PDE6A: variants seen among roughly 807,000 people sequenced by gnomAD.
PDE6A encodes phosphodiesterase 6A.
In PDE6A, 84 loss-of-function variants were observed where a neutral mutation model predicts 106.3. The observed-to-expected ratio is 0.79, with a 90% CI of 0.66 to 0.95. PDE6A has a LOEUF of 0.95. Among genes scored for constraint, PDE6A ranks in the 40% least tolerant of loss-of-function variants. The probability of loss-of-function intolerance (pLI) is 0.00; values close to 1 mark genes in which losing one functional copy is unlikely to be tolerated. For synonymous variants in PDE6A, 394 were observed against 386.6 expected (o/e 1.02, Z -0.23); for missense variants, 1,052 against 1,084.9 (o/e 0.97, Z 0.43).
At chr5:149,896,539 GA>G (rs1297846066) in intron 11 of PDE6A, 37 bp from the exon 12 acceptor site, 1 of 1,614,052 alleles carries the variant, frequency 6.2e-7, no homozygotes, top group Non-Finnish European at 8.5e-7. Flanking sequence ...TAGGAAACAT[GA>G]AGTGTTTCTG....
intron 5 of PDE6A, among the ~76,000 whole-genome samples, chr5:149,920,942 A>AAAAGAAAGAAGAAAGAAAG (rs1554091215): frequency 3.7e-5 from 4 of 108,282 alleles, no homozygotes; most frequent in Non-Finnish European, 5.3e-5. Flanking sequence ...GAAAGAGAGA[A>AAAAGAAAGAAGAAAGAAAG]AAAGAAAGAA....
chr5:149,885,743 AT>A (rs1257501519), intron 14 of PDE6A, among the ~76,000 whole-genome samples: 6 of 152,204 alleles, frequency 3.9e-5, no homozygotes, highest in Non-Finnish European at 8.8e-5. Context: ...AAGCAATAAA[AT>A]TTATTATTTT....
chr5:149,942,158 T>G (rs943549613), intron 1 of PDE6A, among the ~76,000 whole-genome samples: 2 of 152,098 alleles, frequency 1.3e-5, no homozygotes, highest in African/African-American at 4.8e-5. Flanking sequence ...GACAGGGACC[T>G]CCCTGTGTTG....
At chr5:149,926,528 C>G (rs1753868893) in intron 4 of PDE6A, among the ~76,000 whole-genome samples, 1 of 152,132 alleles carries the variant, frequency 6.6e-6, no homozygotes, top group African/African-American at 2.4e-5. Context: ...AACAATAAAG[C>G]TTTTAGAATT....
At chr5:149,895,776 TGA>T (rs895422903) in intron 12 of PDE6A, among the ~76,000 whole-genome samples, 6 of 151,742 alleles carry the variant, frequency 4.0e-5, no homozygotes, top group Non-Finnish European at 5.9e-5. Flanking sequence ...TCTGTGTGTG[TGA>T]GAGAGAGAGA....
chr5:149,915,236 C>T (rs1753516172), intron 5 of PDE6A, among the ~76,000 whole-genome samples: 1 of 151,494 alleles, frequency 6.6e-6, no homozygotes, highest in Admixed American at 6.6e-5. Flanking sequence ...GGTTCCAACT[C>T]CTGACCCCAT....
At chr5:149,883,369 G>A in intron 17 of PDE6A, 60 bp downstream of exon 17, 2 of 1,081,682 alleles carry the variant, frequency 1.8e-6, no homozygotes, top group Non-Finnish European at 1.4e-6. Flanking sequence ...AGCTGTCAGT[G>A]CATCTCGCCT....
intron 17 of PDE6A, among the ~76,000 whole-genome samples, chr5:149,875,472 T>C (rs1760704773): frequency 6.6e-6 from 1 of 151,686 alleles, no homozygotes. Context: ...TTATAGCACA[T>C]TATACATACT....
chr5:149,869,611 G>A (rs372014961), intron 17 of PDE6A, among the ~76,000 whole-genome samples: 1 of 152,340 alleles, frequency 6.6e-6, no homozygotes, highest in African/African-American at 2.4e-5. Flanking sequence ...GCCAGGGAGT[G>A]CAGACTGTAT....
Position 149,886,278 on chromosome 5 carries a change from G to A in PDE6A, c.1825C>T (p.Leu609Phe), listed in dbSNP as rs1752298466. 1 of 1,612,162 alleles carries A rather than the reference G, an allele frequency of 6.2e-7. No homozygotes were observed. The highest frequency in any genetic ancestry group is 8.5e-7 in the Non-Finnish European group (1 of 1,178,276). Residue 609 changes from leucine to phenylalanine, a missense_variant, in exon 14 of 22, where the codon CTC becomes TTC. Transcript: ENST00000255266. ...HDIDHRGTNN[L>F]YQMKSQNPLA... Reference sequence around the variant, plus strand: ...AGGCTGACTCACTTCATCTGGTAGAGGTTATTGGTGCCTCTGTGGTCAATG... The same window carrying A: ...AGGCTGACTCACTTCATCTGGTAGAAGTTATTGGTGCCTCTGTGGTCAATG...
chr5:149,870,077 C>T (rs1475055221), intron 17 of PDE6A, among the ~76,000 whole-genome samples: 1 of 152,008 alleles, frequency 6.6e-6, no homozygotes. Context: ...TCACTTGAGG[C>T]CAGGAGTTCA....
At chr5:149,875,431 T>C (rs1165368428) in intron 17 of PDE6A, among the ~76,000 whole-genome samples, 1 of 152,182 alleles carries the variant, frequency 6.6e-6, no homozygotes, top group Non-Finnish European at 1.5e-5. Flanking sequence ...TCTTAAACTA[T>C]TACAAGTTTA....
At chr5:149,913,772 G>A (rs1304545010) in intron 6 of PDE6A, among the ~76,000 whole-genome samples, 2 of 152,236 alleles carry the variant, frequency 1.3e-5, no homozygotes, top group South Asian at 2.1e-4. Flanking sequence ...CTTTTAGCAC[G>A]TGGAGAGGAT....
At chr5:149,939,285 G>A (rs763782701) in intron 1 of PDE6A, among the ~76,000 whole-genome samples, 12 of 152,218 alleles carry the variant, frequency 7.9e-5, no homozygotes, top group East Asian at 1.9e-4. Context: ...GCAACAGGCC[G>A]TCCCTTAGCA....
At chr5:149,879,229 G>A (rs114176933) in intron 17 of PDE6A, among the ~76,000 whole-genome samples, 12,419 of 151,638 alleles carry the variant, frequency 0.082, 541 homozygotes, top group South Asian at 0.19. Flanking sequence ...CTGCTACCTC[G>A]CCTAGATAAT....
At chr5:149,907,426 G>T in intron 6 of PDE6A, 48 bp from the exon 7 acceptor site, 1 of 1,499,126 alleles carries the variant, frequency 6.7e-7, no homozygotes, top group Non-Finnish European at 9.3e-7. Flanking sequence ...AGGGATTGCT[G>T]GACTAAAGAC....
At chr5:149,870,100 G>A (rs898602812) in intron 17 of PDE6A, among the ~76,000 whole-genome samples, 5 of 152,100 alleles carry the variant, frequency 3.3e-5, no homozygotes, top group African/African-American at 7.2e-5. Context: ...ATTAACCTGC[G>A]CAAAATAGTG....
rs1254694642 is a variant in PDE6A at position 149,868,120 on chromosome 5, G to A, written c.2174C>T (p.Thr725Ile). Residue 725 changes from threonine to isoleucine, a missense_variant, in exon 18 of 22, where the codon ACC (threonine) becomes ATC (isoleucine). Coordinates refer to ENST00000255266, the MANE Select transcript of PDE6A (RefSeq NM_000440.3). ...CTGGCTCTGCACCTCCCAGGGTTTG[G>A]TGATGGCTGAGAGATCACAGGCGGT... ...MMTACDLSAITKPWEVQSQVA... is the reference protein window; with the variant it reads ...MMTACDLSAIIKPWEVQSQVA... The A allele has an allele frequency of 6.2e-7, 1 of 1,614,184 alleles. No homozygotes were observed. Among genetic ancestry groups the A allele is most frequent in the South Asian group, 1.1e-5 (1 of 91,074 alleles).
At chr5:149,907,828 CTTGT>C (rs1284990817) in intron 6 of PDE6A, among the ~76,000 whole-genome samples, 2 of 152,080 alleles carry the variant, frequency 1.3e-5, no homozygotes, top group African/African-American at 2.4e-5. Flanking sequence ...TTACTTTTTG[CTTGT>C]TTGTTGTGAG....
Sources: allele counts gnomAD v4.1 joint callset (sites outside exome capture counted in the v4.1 genomes callset), GRCh38; gene constraint gnomAD v4.1.1; transcripts MANE v1.5; gene names NCBI Gene and HGNC (gene_info 2026-07-23, HGNC 2026-07-21).